Variants in MPP7 observed in about 807,000 individuals in gnomAD.
The protein encoded by MPP7 is MAGUK p55 subfamily member 7.
MPP7 carries 60 observed loss-of-function variants against 76.5 expected under a neutral mutation model. The ratio of observed to expected loss-of-function variants is 0.78; its 90% CI spans 0.64 to 0.97. MPP7 has a LOEUF of 0.97. Ranked by LOEUF, MPP7 falls within the 50% of genes least tolerant of loss-of-function variation. The probability of loss-of-function intolerance (pLI) is 0.00; values close to 1 mark genes in which losing one functional copy is unlikely to be tolerated. For synonymous variants in MPP7, 237 were observed against 244.5 expected (o/e 0.97, Z 0.29); for missense variants, 641 against 694.0 (o/e 0.92, Z 0.86).
chr10:28,064,764 C>A (rs1371217297), intron 13 of MPP7, among the ~76,000 whole-genome samples: 1 of 152,138 alleles, frequency 6.6e-6, no homozygotes, highest in Non-Finnish European at 1.5e-5. Flanking sequence ...TCTCTTGAAA[C>A]AGTTTTTCAT....
intron 2 of MPP7, among the ~76,000 whole-genome samples, chr10:28,215,477 A>G (rs1376768347): frequency 6.6e-6 from 1 of 152,220 alleles, no homozygotes; most frequent in Non-Finnish European, 1.5e-5. Flanking sequence ...CAGGAAAAGT[A>G]TAAGAGAGAG....
chr10:28,230,644 T>A (rs1838849408), intron 2 of MPP7, among the ~76,000 whole-genome samples: 1 of 151,744 alleles, frequency 6.6e-6, no homozygotes, highest in African/African-American at 2.4e-5. Context: ...TGAAACCCCA[T>A]CTCTACAAAA....
At chr10:28,315,481 G>A (rs1371369500) in intron 2 of MPP7, among the ~76,000 whole-genome samples, 1 of 152,126 alleles carries the variant, frequency 6.6e-6, no homozygotes, top group East Asian at 1.9e-4. Context: ...GCAGTCTGTG[G>A]CGCACCCTGC....
chr10:28,178,323 C>G (rs1375901008), intron 3 of MPP7, among the ~76,000 whole-genome samples: 1 of 151,992 alleles, frequency 6.6e-6, no homozygotes, highest in Non-Finnish European at 1.5e-5. Context: ...TGTCACCAGG[C>G]CCTGCTCCAA....
intron 4 of MPP7, 81 bp from the exon 5 acceptor site, chr10:28,147,644 C>A: frequency 8.3e-7 from 1 of 1,205,130 alleles, no homozygotes; most frequent in Non-Finnish European, 1.2e-6. Context: ...GAGAATCTAA[C>A]TTGCTCAAGG....
upstream of MPP7, among the ~76,000 whole-genome samples, chr10:28,304,108 T>C (rs763002636): frequency 2.0e-5 from 3 of 152,166 alleles, no homozygotes; most frequent in Non-Finnish European, 4.4e-5. Context: ...CAAGATGTGA[T>C]AGAGACTTTG....
intron 1 of MPP7, among the ~76,000 whole-genome samples, chr10:28,270,550 G>A (rs1840294526): frequency 7.5e-6 from 1 of 132,616 alleles, no homozygotes; most frequent in Non-Finnish European, 1.6e-5. Flanking sequence ...GGGGAGGAGG[G>A]GAGCTGGGGA....
chr10:28,095,222 T>TATATATATATATATAC lies in MPP7; in HGVS notation c.953-5382_953-5381insGTATATATATATATAT, dbSNP rs775763967. ...ATATATATATATATATATATATATA[T>TATATATATATATATAC]ACAGAAACATATATACATGTACAGA... On this transcript the variant is annotated intron_variant, in intron 11 of 16. Coordinates refer to ENST00000683449, the MANE Select transcript of MPP7 (RefSeq NM_001318170.2). 1.4e-3 allele frequency among the ~76,000 whole-genome samples: 198 copies of TATATATATATATATAC among 136,650 alleles called. 1 individual carries two copies. Among genetic ancestry groups the TATATATATATATATAC allele is most frequent in the East Asian group, 0.011 (50 of 4,386 alleles). 89.6% of individuals were successfully genotyped at this position (136,650 alleles called of 152,430 possible). A position where few individuals can be genotyped will look rare whatever the true frequency, so the allele number is the denominator to read the frequency against.
At position 28,099,814 on chromosome 10, in the gene MPP7, A is replaced by C. The variant is rs182824113; in HGVS notation, c.953-9973T>G. On this transcript the variant is annotated intron_variant, in intron 11 of 16. Transcript: ENST00000683449. The stretch of plus-strand genomic sequence containing the variant: ...AAGAGTGAAACTCCATCTCCCAAAA[A>C]AAAAAATAAATAAAAAATAAAGTTC... Among the ~76,000 whole-genome samples the C allele has an allele frequency of 6.9e-3, 1,051 of 152,208 alleles. 4 individuals are homozygous for C. Among genetic ancestry groups the C allele is most frequent in the Middle Eastern group, 0.017 (5 of 294 alleles).
rs556276016 is a variant in MPP7, at chr10:28,224,307, C to T, written c.37+14261G>A. 1.3e-4 allele frequency among the ~76,000 whole-genome samples: 20 copies of T among 151,556 alleles called. No individual in the cohort carries two copies. The South Asian group carries it at 2.5e-3, about 19-fold the overall frequency. Reference sequence around the variant, plus strand: ...GTTAACAACTAGAAGAAAAAACTAACGTGCTTAACAACATATTACACTTGA... The same window carrying T: ...GTTAACAACTAGAAGAAAAAACTAATGTGCTTAACAACATATTACACTTGA... On this transcript the variant is annotated intron_variant, in intron 2 of 16. Transcript: ENST00000683449.
rs867949084 is a variant in MPP7, at chr10:28,151,991, T to C, written c.157-1932A>G. Among the ~76,000 whole-genome samples the C allele has an allele frequency of 2.6e-5, 4 of 152,338 alleles. No individual in the cohort carries two copies. In the South Asian group the frequency reaches 8.3e-4, roughly 32 times the overall value. ...TCATCAGTGGTTCCTCTCCATCCCTTATATTTTCTTTCTCATTGGTGGTTC... is the reference window on the plus strand; with the variant it reads ...TCATCAGTGGTTCCTCTCCATCCCTCATATTTTCTTTCTCATTGGTGGTTC... On this transcript the variant is annotated intron_variant, in intron 3 of 16. Transcript: ENST00000683449.
intron 1 of MPP7, among the ~76,000 whole-genome samples, chr10:28,298,365 G>C (rs978570391): frequency 1.3e-5 from 2 of 152,188 alleles, no homozygotes; most frequent in African/African-American, 4.8e-5. Flanking sequence ...TGTGTTAGCA[G>C]GTATGAAAAC....
At chr10:28,329,452 C>A (rs756255188) in intron 2 of MPP7, among the ~76,000 whole-genome samples, 10 of 151,876 alleles carry the variant, frequency 6.6e-5, no homozygotes, top group Admixed American at 1.3e-4. Context: ...CACAGTGAAA[C>A]CCTGTCTCTA....
intron 2 of MPP7, among the ~76,000 whole-genome samples, chr10:28,229,728 A>C (rs1838813159): frequency 6.6e-6 from 1 of 152,062 alleles, no homozygotes; most frequent in African/African-American, 2.4e-5. Context: ...TCTCTACTAA[A>C]AATACAAAAA....
At chr10:28,117,001 A>C (rs1834682063) in intron 11 of MPP7, among the ~76,000 whole-genome samples, 1 of 152,106 alleles carries the variant, frequency 6.6e-6, no homozygotes, top group South Asian at 2.1e-4. Context: ...GCAAAAATGC[A>C]AAGACAGTAA....
At chr10:28,269,266 C>G (rs547430542) in intron 1 of MPP7, among the ~76,000 whole-genome samples, 103 of 152,306 alleles carry the variant, frequency 6.8e-4, no homozygotes, top group African/African-American at 2.3e-3. Context: ...TTAGCTCATT[C>G]AATGCCATAG....
chr10:28,199,504 A>G (rs913918650), intron 3 of MPP7, among the ~76,000 whole-genome samples: 2 of 152,186 alleles, frequency 1.3e-5, no homozygotes, highest in African/African-American at 2.4e-5. Flanking sequence ...AGGTGGCTGA[A>G]TCTGTCACAG....
intron 1 of MPP7, among the ~76,000 whole-genome samples, chr10:28,263,693 A>AG (rs1223664409): frequency 1.3e-5 from 2 of 152,050 alleles, no homozygotes; most frequent in Admixed American, 1.3e-4. Flanking sequence ...ATGGCAGGGG[A>AG]GGGGCAGAGA....
At chr10:28,086,254 T>C (rs1853004191) in intron 12 of MPP7, among the ~76,000 whole-genome samples, 1 of 152,064 alleles carries the variant, frequency 6.6e-6, no homozygotes, top group Non-Finnish European at 1.5e-5. Context: ...TGTATACCTA[T>C]GTAACAAACC....
Sources: allele counts gnomAD v4.1 joint callset (sites outside exome capture counted in the v4.1 genomes callset), GRCh38; gene constraint gnomAD v4.1.1; transcripts MANE v1.5; gene names NCBI Gene and HGNC (gene_info 2026-07-23, HGNC 2026-07-21).